Variants in HYCC2 observed in about 807,000 individuals in gnomAD.
HYCC2 encodes the protein hyccin 2.
chr2:201,055,803 G>A, the HYCC2 span, among the ~76,000 whole-genome samples: 3 of 152,192 alleles, frequency 2.0e-5, no homozygotes, highest in East Asian at 5.8e-4. Flanking sequence ...GCTTATGCCT[G>A]TAATCCTAGC....
chr2:201,011,731 T>C, the HYCC2 span, among the ~76,000 whole-genome samples: 4 of 152,144 alleles, frequency 2.6e-5, no homozygotes, highest in African/African-American at 9.7e-5. Flanking sequence ...AAATACAATA[T>C]GACAGCAAAG....
the HYCC2 span, chr2:200,987,599 C>A: frequency 1.7e-6 from 2 of 1,208,056 alleles, no homozygotes; most frequent in South Asian, 1.3e-5. Context: ...CATTTTGACC[C>A]AGGCAGATAA....
the HYCC2 span, among the ~76,000 whole-genome samples, chr2:200,988,906 G>A: frequency 2.0e-5 from 3 of 152,146 alleles, no homozygotes; most frequent in East Asian, 5.8e-4. Flanking sequence ...TCCTAATTGG[G>A]TTGTACTAAT....
chr2:201,006,778 T>C, the HYCC2 span, among the ~76,000 whole-genome samples: 45 of 152,190 alleles, frequency 3.0e-4, no homozygotes, highest in African/African-American at 5.3e-4. Context: ...TGGTATAATA[T>C]TGGCATTGTT....
the HYCC2 span, among the ~76,000 whole-genome samples, chr2:201,064,666 T>C: frequency 2.0e-5 from 3 of 152,208 alleles, no homozygotes; most frequent in Admixed American, 1.3e-4. Flanking sequence ...TATATCTAAA[T>C]TGAATAATGG....
At chr2:201,007,245 C>T in the HYCC2 span, among the ~76,000 whole-genome samples, 1,129 of 152,170 alleles carry the variant, frequency 7.4e-3, 18 homozygotes, top group African/African-American at 0.026. Context: ...CATTGTAAAT[C>T]GAAAATATCA....
At chr2:201,009,661 T>C in the HYCC2 span, among the ~76,000 whole-genome samples, 1 of 152,092 alleles carries the variant, frequency 6.6e-6, no homozygotes, top group Admixed American at 6.6e-5. Flanking sequence ...GGTTTCGCCA[T>C]GTTGGCCAGG....
chr2:201,063,251 ACGGGC>A, the HYCC2 span: 1 of 1,592,182 alleles, frequency 6.3e-7, no homozygotes, highest in Non-Finnish European at 8.5e-7. Context: ...CAAGTGCTCC[ACGGGC>A]TTTGGGTTTG....
the HYCC2 span, among the ~76,000 whole-genome samples, chr2:201,069,128 A>G: frequency 6.6e-6 from 1 of 152,252 alleles, no homozygotes; most frequent in African/African-American, 2.4e-5. Flanking sequence ...GACTCAGTCA[A>G]GCTGAAAATT....
At chr2:201,010,771 TATTA>T in the HYCC2 span, among the ~76,000 whole-genome samples, 2 of 151,814 alleles carry the variant, frequency 1.3e-5, no homozygotes, top group Non-Finnish European at 2.9e-5. Context: ...TTTTTAAGCT[TATTA>T]TTTAAAAAAT....
chr2:201,070,005 T>A, the HYCC2 span, among the ~76,000 whole-genome samples: 4 of 152,166 alleles, frequency 2.6e-5, no homozygotes, highest in African/African-American at 9.7e-5. Flanking sequence ...TTAGACCTTA[T>A]CTCCTAAGCT....
At chr2:201,001,162 G>A in the HYCC2 span, among the ~76,000 whole-genome samples, 1 of 151,282 alleles carries the variant, frequency 6.6e-6, no homozygotes. Context: ...AAAAGAGATG[G>A]GGCCTTTGGG....
the HYCC2 span, among the ~76,000 whole-genome samples, chr2:201,015,294 T>C: frequency 6.6e-6 from 1 of 152,176 alleles, no homozygotes; most frequent in Non-Finnish European, 1.5e-5. Context: ...GTAACCTTTC[T>C]AGCATACCCT....
the HYCC2 span, among the ~76,000 whole-genome samples, chr2:201,017,328 CACATATT>C: frequency 6.6e-6 from 1 of 151,594 alleles, no homozygotes; most frequent in Non-Finnish European, 1.5e-5. Flanking sequence ...GTAAAGAGAC[CACATATT>C]AAACTGACCA....
chr2:201,040,685 A>G, the HYCC2 span, among the ~76,000 whole-genome samples: 3 of 151,954 alleles, frequency 2.0e-5, no homozygotes, highest in Admixed American at 1.3e-4. Context: ...GGGTTTCACC[A>G]TGTTGGCCAG....
chr2:201,050,650 A>G, the HYCC2 span, among the ~76,000 whole-genome samples: 3 of 151,886 alleles, frequency 2.0e-5, no homozygotes, highest in African/African-American at 7.3e-5. Context: ...AACCATTATA[A>G]TAGCCAGACA....
chr2:201,036,878 G>C, the HYCC2 span, among the ~76,000 whole-genome samples: 1 of 152,280 alleles, frequency 6.6e-6, no homozygotes, highest in East Asian at 1.9e-4. Flanking sequence ...TCAACATAGT[G>C]TTGGAAGTTC....
the HYCC2 span, among the ~76,000 whole-genome samples, chr2:201,053,007 C>T: frequency 6.6e-6 from 1 of 152,108 alleles, no homozygotes; most frequent in African/African-American, 2.4e-5. Context: ...GAAATAGTGC[C>T]GCTTCTCACC....
the HYCC2 span, chr2:200,997,315 G>A: frequency 4.7e-6 from 3 of 632,268 alleles, no homozygotes; most frequent in Non-Finnish European, 8.4e-6. Flanking sequence ...GACTCCTACA[G>A]GAATGCAAGC....
Sources: allele counts gnomAD v4.1 joint callset (sites outside exome capture counted in the v4.1 genomes callset), GRCh38; gene constraint gnomAD v4.1.1; transcripts MANE v1.5; gene names NCBI Gene and HGNC (gene_info 2026-07-23, HGNC 2026-07-21).